Variants in GEMIN5 observed in about 807,000 individuals in gnomAD.
GEMIN5 encodes gem-associated protein 5.
In GEMIN5, 124 loss-of-function variants were observed where a neutral mutation model predicts 176.9. The ratio of observed to expected loss-of-function variants is 0.70; its 90% CI spans 0.61 to 0.81. GEMIN5 has a LOEUF of 0.81. GEMIN5 is among the 40% of genes least tolerant of loss of function. GEMIN5 has a pLI of 0.00. For missense variants in GEMIN5, 1,843 were observed against 1,814.6 expected (o/e 1.02, Z -0.28); for synonymous variants, 673 against 665.2 (o/e 1.01, Z -0.18).
At chr5:154,936,993 A>G (rs1764283062) in intron 2 of GEMIN5, 32 bp downstream of exon 2, 4 of 1,584,088 alleles carry the variant, frequency 2.5e-6, no homozygotes, top group Non-Finnish European at 3.5e-6. Flanking sequence ...AGATAGATAA[A>G]AACGGTTTGA....
chr5:154,910,320 A>C (rs1254052066), intron 15 of GEMIN5, among the ~76,000 whole-genome samples: 1 of 152,104 alleles, frequency 6.6e-6, no homozygotes. Flanking sequence ...AAATAAAAAA[A>C]AAACTTATTT....
intron 20 of GEMIN5, among the ~76,000 whole-genome samples, chr5:154,902,165 G>A (rs1763479397): frequency 6.6e-6 from 1 of 151,900 alleles, no homozygotes. Context: ...GAATACACTG[G>A]CTATTCACAG....
In GEMIN5 at chr5:154,932,274, T is replaced by C. The variant is rs374076088; in HGVS notation, c.510-24A>G. On this transcript the variant is annotated intron_variant, in intron 3 of 27. Transcript: ENST00000285873. The stretch of plus-strand genomic sequence containing the variant: ...AGCTAAAAAACAAGAGTTAGAAATA[T>C]TACTAAAAAAATGAAGACAGAACAG... 1.6e-4 allele frequency: 253 copies of C among 1,561,208 alleles called. 1 individual carries two copies. The highest frequency in any genetic ancestry group is 8.6e-4 in the Middle Eastern group (5 of 5,842).
chr5:154,903,285 A>G, intron 18 of GEMIN5, 110 bp from the exon 19 acceptor site: 1 of 705,908 alleles, frequency 1.4e-6, no homozygotes, highest in South Asian at 1.7e-5. Flanking sequence ...AGACACTGAG[A>G]GAATCAGAGC....
intron 24 of GEMIN5, among the ~76,000 whole-genome samples, chr5:154,892,841 G>A (rs1561708249): frequency 6.6e-6 from 1 of 152,152 alleles, no homozygotes; most frequent in Non-Finnish European, 1.5e-5. Flanking sequence ...GCTCATGCCT[G>A]TAATCCCAGC....
At chr5:154,892,749 C>T in intron 24 of GEMIN5, 200 bp from the exon 25 acceptor site, 1 of 563,266 alleles carries the variant, frequency 1.8e-6, no homozygotes, top group Non-Finnish European at 3.1e-6. Context: ...ACACACACGT[C>T]CCGGTGTTAA....
chr5:154,933,634 C>T (rs906858671), intron 3 of GEMIN5, among the ~76,000 whole-genome samples: 3 of 152,158 alleles, frequency 2.0e-5, no homozygotes, highest in African/African-American at 7.2e-5. Flanking sequence ...ATTCACACTT[C>T]CTACACATTA....
intron 15 of GEMIN5, 140 bp from the exon 16 acceptor site, chr5:154,907,958 T>C (rs2113476790): frequency 1.5e-6 from 1 of 645,166 alleles, no homozygotes; most frequent in Non-Finnish European, 2.7e-6. Context: ...TTTAGAATTA[T>C]ATTATCACAA....
chr5:154,935,904 A>G lies in GEMIN5; in HGVS notation c.446T>C (p.Ile149Thr), dbSNP rs1561732460. 1 of 1,613,868 alleles carries G rather than the reference A, an allele frequency of 6.2e-7. No homozygotes were observed. The highest frequency in any genetic ancestry group is 8.5e-7 in the Non-Finnish European group (1 of 1,179,740). Residue 149 changes from isoleucine to threonine, a missense_variant, in exon 3 of 28, where the codon ATA becomes ACA. Transcript: ENST00000285873. ...AAGACAGAAAATTGTCCTGGGTTCT[A>G]TAAAGAGGTGCTGGCTGTCATTTCT... is the stretch of plus-strand genomic sequence containing the variant. Reference protein sequence around the residue: ...FNRNDSQHLFIEPRTIFCLTC... With the variant: ...FNRNDSQHLFTEPRTIFCLTC...
intron 10 of GEMIN5, among the ~76,000 whole-genome samples, 165 bp from the exon 11 acceptor site, chr5:154,920,268 C>A (rs572116068): frequency 6.6e-6 from 1 of 152,254 alleles, no homozygotes; most frequent in East Asian, 1.9e-4. Flanking sequence ...CACCTGAACA[C>A]AGTTGTTGGG....
At chr5:154,903,362 A>G (rs1406309546) in intron 18 of GEMIN5, among the ~76,000 whole-genome samples, 187 bp from the exon 19 acceptor site, 1 of 152,226 alleles carries the variant, frequency 6.6e-6, no homozygotes, top group Non-Finnish European at 1.5e-5. Flanking sequence ...TTAAAAGTGA[A>G]CCCCAAATCA....
chr5:154,901,098 C>T (rs768077387), intron 21 of GEMIN5, among the ~76,000 whole-genome samples: 6 of 152,034 alleles, frequency 3.9e-5, no homozygotes, highest in African/African-American at 1.2e-4. Flanking sequence ...GGCTGAGGCA[C>T]GAGGATCGCT....
intron 4 of GEMIN5, chr5:154,931,807 G>C: frequency 2.0e-6 from 1 of 498,914 alleles, no homozygotes; most frequent in Non-Finnish European, 3.6e-6. Context: ...CTGAGGTCGG[G>C]AGTTCAAGAC....
intron 13 of GEMIN5, among the ~76,000 whole-genome samples, chr5:154,915,762 G>C (rs1320535935): frequency 6.6e-6 from 1 of 152,066 alleles, no homozygotes; most frequent in Non-Finnish European, 1.5e-5. Flanking sequence ...TCCTCTGTTT[G>C]TGTGTAACAC....
chr5:154,930,077 C>T (rs766538071), intron 5 of GEMIN5, among the ~76,000 whole-genome samples: 10 of 152,060 alleles, frequency 6.6e-5, no homozygotes, highest in Non-Finnish European at 1.3e-4. Context: ...TTACCTGCTC[C>T]ATCCTGACTC....
At position 154,898,446 on chromosome 5, in the gene GEMIN5, A is replaced by G; in HGVS notation, c.3339T>C (p.Ser1113=). The G allele has an allele frequency of 1.9e-6, 3 of 1,612,128 alleles. No individual in the cohort carries two copies. The highest frequency in any genetic ancestry group is 2.5e-6 in the Non-Finnish European group (3 of 1,178,190). ...GATGAAATAACAGACTGACCTGTAG[A>G]CTTTCATGCAGCTGCAGGGCTTCCT... ...GAQEALQLHE[S]LQGQRLVFCL... is the part of the protein sequence containing the mutation. The change falls in exon 23 of 28, where the codon AGT becomes AGC. Residue 1113 remains serine, a synonymous_variant. Transcript: ENST00000285873.
At chr5:154,923,702 C>T (rs369039638) in intron 9 of GEMIN5, among the ~76,000 whole-genome samples, 4 of 152,194 alleles carry the variant, frequency 2.6e-5, no homozygotes, top group African/African-American at 7.2e-5. Context: ...ATTCATGGAC[C>T]ATGGTTCACC....
Position 154,935,948 on chromosome 5 carries a change from A to G in GEMIN5, c.402T>C (p.Val134=), listed in dbSNP as rs1764259754. The change falls in exon 3 of 28, where the codon GTT becomes GTC. Residue 134 remains valine (V), a synonymous_variant. Transcript: ENST00000285873. ...LIVSGDEKGV[V]FCYWFNRNDS... Reference sequence around the variant, plus strand: ...CATTTCTGTTAAACCAGTAACAGAAAACTACTCCTTTTTCATCCCCAGATA... The same window carrying G: ...CATTTCTGTTAAACCAGTAACAGAAGACTACTCCTTTTTCATCCCCAGATA... 6.2e-7 allele frequency: 1 copy of G among 1,611,688 alleles called. No individual in the cohort carries two copies. The highest frequency in any genetic ancestry group is 8.5e-7 in the Non-Finnish European group (1 of 1,177,938).
At position 154,892,512 on chromosome 5, in the gene GEMIN5, A is replaced by T. The variant is rs1172832878; in HGVS notation, c.3635T>A (p.Val1212Glu). The T allele has an allele frequency of 6.2e-7, 1 of 1,614,188 alleles. No individual in the cohort carries two copies. The highest frequency in any genetic ancestry group is 8.5e-7 in the Non-Finnish European group (1 of 1,180,034). Residue 1212 changes from valine to glutamate, a missense_variant, in exon 25 of 28, where the codon GTG becomes GAG. Transcript: ENST00000285873. The stretch of plus-strand genomic sequence containing the variant: ...CCAGGAGGCCATCTGTTGGCTCAGC[A>T]CTGCCAGGGTCAAGTCATGGCAAAT... ...LHICHDLTLAVLSQQMASWDE... is the reference protein window; with the variant it reads ...LHICHDLTLAELSQQMASWDE...
Sources: gnomAD v4.1 joint callset for allele counts (sites outside exome capture counted in the v4.1 genomes callset) on GRCh38, gnomAD v4.1.1 for gene constraint, MANE v1.5 for transcripts, NCBI Gene and HGNC (gene_info 2026-07-23, HGNC 2026-07-21) for gene names.